The following CNTN3 variants were observed in gnomAD, a reference collection of about 807,000 sequenced individuals.
The protein encoded by CNTN3 is contactin-3.
Under a neutral mutation model 119.1 loss-of-function variants are expected in CNTN3, and 60 were observed. That is an observed-to-expected ratio of 0.50 (90% confidence interval 0.41 to 0.62). The LOEUF is 0.62. Ranked by LOEUF, CNTN3 falls within the 20% of genes least tolerant of loss-of-function variation. The probability of loss-of-function intolerance (pLI) is 0.00; values close to 1 mark genes in which losing one functional copy is unlikely to be tolerated. For missense variants in CNTN3, 1,101 were observed against 1,242.4 expected (o/e 0.89, Z 1.71); for synonymous variants, 450 against 438.7 (o/e 1.03, Z -0.32).
intron 13 of CNTN3, among the ~76,000 whole-genome samples, chr3:74,316,185 A>G (rs1702826167): frequency 6.6e-6 from 1 of 152,226 alleles, no homozygotes; most frequent in African/African-American, 2.4e-5. Context: ...TGACATGAAC[A>G]GACACTTTTC....
chr3:74,285,245 G>A (rs1026792154), intron 20 of CNTN3, 60 bp downstream of exon 20: 2 of 1,478,034 alleles, frequency 1.4e-6, no homozygotes, highest in South Asian at 1.3e-5. Context: ...AATAGAGAAG[G>A]CTATCCTTTT....
At chr3:74,466,511 G>GA (rs1298343838) in intron 4 of CNTN3, among the ~76,000 whole-genome samples, 1 of 152,086 alleles carries the variant, frequency 6.6e-6, no homozygotes, top group Non-Finnish European at 1.5e-5. Context: ...TTTGGTGTTA[G>GA]AAAAAAACTG....
At chr3:74,369,743 G>T in intron 7 of CNTN3, 146 bp downstream of exon 7, 1 of 570,714 alleles carries the variant, frequency 1.8e-6, no homozygotes. Context: ...TTTTATATGT[G>T]CATTTCCCCT....
chr3:74,446,495 T>C (rs1400548182), intron 4 of CNTN3, among the ~76,000 whole-genome samples: 2 of 152,080 alleles, frequency 1.3e-5, no homozygotes, highest in Non-Finnish European at 2.9e-5. Context: ...AAGCAGCCAC[T>C]AGCCACATGT....
intron 1 of CNTN3, among the ~76,000 whole-genome samples, chr3:74,589,874 A>G (rs145387639): frequency 0.048 from 7,078 of 147,508 alleles, 204 homozygotes; most frequent in African/African-American, 0.084. Flanking sequence ...ACCAAACACC[A>G]CATGTTCTCA....
chr3:74,493,577 A>G (rs1006701071), intron 3 of CNTN3, among the ~76,000 whole-genome samples: 1 of 152,148 alleles, frequency 6.6e-6, no homozygotes, highest in Non-Finnish European at 1.5e-5. Context: ...CACACTAAAC[A>G]CTTGTTAAAT....
At chr3:74,553,562 A>T (rs190406538) in intron 1 of CNTN3, among the ~76,000 whole-genome samples, 1 of 152,200 alleles carries the variant, frequency 6.6e-6, no homozygotes, top group African/African-American at 2.4e-5. Context: ...ACAGTGTAAA[A>T]GCATTCCATT....
chr3:74,440,993 A>G (rs1701954426), intron 4 of CNTN3, among the ~76,000 whole-genome samples: 1 of 152,146 alleles, frequency 6.6e-6, no homozygotes, highest in Non-Finnish European at 1.5e-5. Flanking sequence ...TCCCCCATGG[A>G]CACCTAAGGA....
intron 5 of CNTN3, among the ~76,000 whole-genome samples, chr3:74,394,317 A>G (rs1704990629): frequency 6.6e-6 from 1 of 151,610 alleles, no homozygotes; most frequent in African/African-American, 2.4e-5. Flanking sequence ...CCCTCTCTAG[A>G]TGTTAATTAA....
At chr3:74,277,284 T>G in intron 20 of CNTN3, among the ~76,000 whole-genome samples, 1 of 152,074 alleles carries the variant, frequency 6.6e-6, no homozygotes, top group Non-Finnish European at 1.5e-5. Context: ...AGCATCACCC[T>G]AATACTAACA....
At chr3:74,586,259 C>G (rs769253997) in intron 1 of CNTN3, among the ~76,000 whole-genome samples, 4 of 151,940 alleles carry the variant, frequency 2.6e-5, no homozygotes, top group Admixed American at 6.6e-5. Flanking sequence ...AGGTTTCTAA[C>G]TAAACATGTA....
At chr3:74,584,525 G>A (rs1369687654) in intron 1 of CNTN3, among the ~76,000 whole-genome samples, 1 of 152,002 alleles carries the variant, frequency 6.6e-6, no homozygotes, top group East Asian at 1.9e-4. Flanking sequence ...CTTGTGTCAT[G>A]AATGGAAGCT....
chr3:74,532,776 C>T (rs571755067), intron 1 of CNTN3, among the ~76,000 whole-genome samples: 38 of 152,032 alleles, frequency 2.5e-4, no homozygotes, highest in Middle Eastern at 6.8e-3. Context: ...CTACAGCTGA[C>T]GTTGGGTAAC....
intron 13 of CNTN3, among the ~76,000 whole-genome samples, chr3:74,319,998 C>T (rs1702945035): frequency 6.6e-6 from 1 of 152,118 alleles, no homozygotes; most frequent in Non-Finnish European, 1.5e-5. Flanking sequence ...GAATGGCGAT[C>T]ATTAAAAAGT....
intron 1 of CNTN3, among the ~76,000 whole-genome samples, chr3:74,611,354 CAT>C (rs147993965): frequency 0.034 from 5,110 of 152,144 alleles, 102 homozygotes; most frequent in South Asian, 0.044. Context: ...TTGTTTATAA[CAT>C]GTACATAAAA....
At chr3:74,305,701 G>A (rs1186066261) in intron 13 of CNTN3, among the ~76,000 whole-genome samples, 1 of 150,948 alleles carries the variant, frequency 6.6e-6, no homozygotes, top group Non-Finnish European at 1.5e-5. Flanking sequence ...TACCTTTGGA[G>A]GTATGGTAGT....
At chr3:74,368,656 A>C (rs985603993) in intron 8 of CNTN3, among the ~76,000 whole-genome samples, 1 of 152,112 alleles carries the variant, frequency 6.6e-6, no homozygotes, top group African/African-American at 2.4e-5. Context: ...TGAGCAGTAC[A>C]TCAAATAAAA....
intron 8 of CNTN3, among the ~76,000 whole-genome samples, chr3:74,366,216 G>A (rs1704181005): frequency 6.6e-6 from 1 of 152,040 alleles, no homozygotes; most frequent in Non-Finnish European, 1.5e-5. Flanking sequence ...ATACAAACCA[G>A]TGAGCATCTT....
At chr3:74,369,038 T>C (rs1575665622) in intron 8 of CNTN3, 151 bp downstream of exon 8, 2 of 484,788 alleles carry the variant, frequency 4.1e-6, no homozygotes, top group East Asian at 3.5e-5. Context: ...ATTCCCCCTA[T>C]GATCAATGTT....
Sources: allele counts gnomAD v4.1 joint callset (sites outside exome capture counted in the v4.1 genomes callset), GRCh38; gene constraint gnomAD v4.1.1; transcripts MANE v1.5; gene names NCBI Gene and HGNC (gene_info 2026-07-23, HGNC 2026-07-21).